The following MYO3B variants were observed in gnomAD, a reference collection of about 807,000 sequenced individuals.
MYO3B encodes the protein myosin IIIB, also known as myosin-IIIb.
MYO3B carries 156 observed loss-of-function variants against 174.6 expected under a neutral mutation model. The observed-to-expected ratio is 0.89, with a 90% CI of 0.78 to 1.02. The LOEUF (loss-of-function observed/expected upper bound fraction) is 1.02, where lower values mean the gene tolerates loss of function less well. MYO3B is among the 50% of genes least tolerant of loss of function. The pLI, the probability that MYO3B is intolerant of heterozygous loss-of-function variation, is 0.00. For synonymous variants in MYO3B, 563 were observed against 569.1 expected (o/e 0.99, Z 0.15); for missense variants, 1,632 against 1,639.4 (o/e 1.00, Z 0.08).
rs923231675 is a variant in MYO3B, at chr2:170,206,771, C to A, written c.321+6487C>A. Among the ~76,000 whole-genome samples, 1 of 152,158 alleles carries A rather than the reference C, an allele frequency of 6.6e-6. No individual in the cohort carries two copies. The highest frequency in any genetic ancestry group is 1.5e-5 in the Non-Finnish European group (1 of 68,020). On this transcript the variant is annotated intron_variant, in intron 3 of 34. Coordinates refer to ENST00000408978, the MANE Select transcript of MYO3B (RefSeq NM_138995.5). The surrounding 1 kb of genome is among the most constrained non-coding windows in gnomAD (Gnocchi z 4.3). ...ATCTGGATCTGGGTACAAGTAGATG[C>A]TTACATAATGCCATGGTAGTGAGGG...
intron 7 of MYO3B, among the ~76,000 whole-genome samples, chr2:170,298,052 T>A (rs971825264): frequency 5.3e-5 from 8 of 152,242 alleles, no homozygotes; most frequent in Admixed American, 1.3e-4. Flanking sequence ...GTGTATATTT[T>A]TATATATGTG....
At chr2:170,497,332 C>A (rs2083212) in intron 25 of MYO3B, among the ~76,000 whole-genome samples, 40,886 of 152,152 alleles carry the variant, frequency 0.27, 5,792 homozygotes, top group East Asian at 0.44. Flanking sequence ...ATACACAAGT[C>A]TAGGCCAGGG....
At chr2:170,516,510 G>T (rs1688319538) in intron 29 of MYO3B, among the ~76,000 whole-genome samples, 1 of 152,104 alleles carries the variant, frequency 6.6e-6, no homozygotes, top group South Asian at 2.1e-4. Context: ...GGGCATGGCG[G>T]CAGGCACCTG....
In MYO3B at chr2:170,654,345, T is replaced by A. The variant is rs916059596; in HGVS notation, c.*1224T>A. On this transcript the variant is annotated 3_prime_UTR_variant, in exon 35 of 35. Transcript: ENST00000408978. ...TTACTCTAAAATATGTGGTAGATAGTATGCAAGAAAAGCCGGGTGCGGTGG... is the reference window on the plus strand; with the variant it reads ...TTACTCTAAAATATGTGGTAGATAGAATGCAAGAAAAGCCGGGTGCGGTGG... The A allele has an allele frequency of 6.6e-6, 1 of 151,956 alleles. No homozygotes were observed. Among genetic ancestry groups the A allele is most frequent in the African/African-American group, 2.4e-5 (1 of 41,356 alleles). The allele number at this position is 151,956 out of a possible 1,614,324, so 9.4% of individuals were successfully genotyped here.
At chr2:170,273,747 G>T (rs1289465715) in intron 7 of MYO3B, among the ~76,000 whole-genome samples, 1 of 16,310 alleles carries the variant, frequency 6.1e-5, no homozygotes, top group Non-Finnish European at 4.0e-4. Flanking sequence ...AGCAGGATTG[G>T]ACTCGTGTAA....
At chr2:170,491,966 A>C (rs1356981909) in intron 25 of MYO3B, among the ~76,000 whole-genome samples, 1 of 151,994 alleles carries the variant, frequency 6.6e-6, no homozygotes, top group African/African-American at 2.4e-5. Flanking sequence ...AGGCAGGAGA[A>C]TCACTTGAAC....
intron 32 of MYO3B, among the ~76,000 whole-genome samples, chr2:170,563,416 T>C (rs1336477284): frequency 1.3e-5 from 2 of 152,042 alleles, no homozygotes; most frequent in African/African-American, 2.4e-5. Flanking sequence ...AGAAGAGAGA[T>C]GACCTTCAGT....
intron 18 of MYO3B, among the ~76,000 whole-genome samples, 186 bp downstream of exon 18, chr2:170,401,877 A>G (rs143908443): frequency 1.4e-5 from 2 of 143,156 alleles, no homozygotes; most frequent in African/African-American, 5.2e-5. Context: ...ATCTCCGCTC[A>G]CTGCAACCTC....
At chr2:170,539,419 CG>C (rs1358417081) in intron 30 of MYO3B, among the ~76,000 whole-genome samples, 1 of 152,092 alleles carries the variant, frequency 6.6e-6, no homozygotes, top group Non-Finnish European at 1.5e-5. Context: ...ACAATGTTGT[CG>C]TGGTGTTAGT....
chr2:170,638,657 G>T (rs1575317554), intron 32 of MYO3B, among the ~76,000 whole-genome samples: 1 of 152,272 alleles, frequency 6.6e-6, no homozygotes. Flanking sequence ...TCAGGCAACA[G>T]ATCCCCATCA....
intron 7 of MYO3B, among the ~76,000 whole-genome samples, chr2:170,265,550 G>A (rs1559345615): frequency 1.3e-5 from 2 of 152,206 alleles, no homozygotes; most frequent in African/African-American, 4.8e-5. Context: ...AGGGCATGTG[G>A]CAGGCATGGG....
At chr2:170,358,417 A>T (rs1008364949) in intron 8 of MYO3B, among the ~76,000 whole-genome samples, 5 of 152,132 alleles carry the variant, frequency 3.3e-5, no homozygotes, top group Non-Finnish European at 5.9e-5. Flanking sequence ...GTTGCCTGGG[A>T]CTGAGGAGGT....
intron 8 of MYO3B, among the ~76,000 whole-genome samples, chr2:170,357,386 A>T (rs898573617): frequency 1.4e-5 from 2 of 147,858 alleles, no homozygotes; most frequent in East Asian, 1.9e-4. Flanking sequence ...TGTATTATAT[A>T]TTATATTTTA....
rs549087662 is a variant in MYO3B, at chr2:170,489,876, C to G, written c.3015-8716C>G. Among the ~76,000 whole-genome samples, 12 of 152,078 alleles carry G rather than the reference C, an allele frequency of 7.9e-5. No individual in the cohort carries two copies. In the Middle Eastern group the frequency reaches 0.014, roughly 172 times the overall value. On this transcript the variant is annotated intron_variant, in intron 25 of 34. Transcript: ENST00000408978. Reference sequence around the variant, plus strand: ...TTCTTCTGACCTATAAACATGATATCTCTCTCCATTTATTTAGGTCTTCTT... The same window carrying G: ...TTCTTCTGACCTATAAACATGATATGTCTCTCCATTTATTTAGGTCTTCTT...
At chr2:170,495,581 A>T (rs1686811152) in intron 25 of MYO3B, among the ~76,000 whole-genome samples, 1 of 43,546 alleles carries the variant, frequency 2.3e-5, no homozygotes, top group Non-Finnish European at 4.4e-5. Context: ...AACAGTTGCT[A>T]AAAAAAAAAA....
intron 32 of MYO3B, among the ~76,000 whole-genome samples, chr2:170,575,652 A>G (rs1220745770): frequency 6.6e-6 from 1 of 152,190 alleles, no homozygotes; most frequent in African/African-American, 2.4e-5. Context: ...TATCAACCCA[A>G]TTGATATTAT....
At chr2:170,619,672 G>GATAGAAA (rs1695728511) in intron 32 of MYO3B, among the ~76,000 whole-genome samples, 1 of 144,420 alleles carries the variant, frequency 6.9e-6, no homozygotes, top group Non-Finnish European at 1.5e-5. Flanking sequence ...AAGCACACAA[G>GATAGAAA]ATAGAAACCA....
At chr2:170,617,509 A>G (rs572583817) in intron 32 of MYO3B, among the ~76,000 whole-genome samples, 9 of 152,320 alleles carry the variant, frequency 5.9e-5, no homozygotes, top group Non-Finnish European at 1.0e-4. Context: ...TATAGAGAGT[A>G]TATACATTTT....
chr2:170,213,589 T>G (rs963402362), intron 3 of MYO3B, among the ~76,000 whole-genome samples: 5 of 152,244 alleles, frequency 3.3e-5, no homozygotes, highest in Non-Finnish European at 7.3e-5. Context: ...GTTTTGCTTT[T>G]CTTTTCTGAG....
Sources: allele counts gnomAD v4.1 joint callset (sites outside exome capture counted in the v4.1 genomes callset), GRCh38; gene constraint gnomAD v4.1.1; non-coding constraint Gnocchi (gnomAD v3.1); transcripts MANE v1.5; gene names NCBI Gene and HGNC (gene_info 2026-07-23, HGNC 2026-07-21).